LRMDA: variants seen among roughly 807,000 people sequenced by gnomAD.
LRMDA encodes the protein leucine rich melanocyte differentiation associated.
LRMDA carries 18 observed loss-of-function variants against 29.8 expected under a neutral mutation model. The observed-to-expected ratio is 0.60, with a 90% CI of 0.42 to 0.90. The LOEUF is 0.90. LRMDA is among the 40% of genes least tolerant of loss of function. The pLI is 0.00. For missense variants in LRMDA, 273 were observed against 273.9 expected, an observed-to-expected ratio of 1.00 and a Z score of 0.02; for synonymous variants, 125 against 109.4, an observed-to-expected ratio of 1.14 and a Z score of -0.89.
chr10:75,459,448 A>T (rs1169675426), intron 2 of LRMDA, among the ~76,000 whole-genome samples: 1 of 152,170 alleles, frequency 6.6e-6, no homozygotes, highest in African/African-American at 2.4e-5. Context: ...CACAGTGCTC[A>T]ACTTCTCCTG....
rs16933671 is a variant in LRMDA, at chr10:76,557,912, A to G, written c.*624A>G. The G allele has an allele frequency of 0.044, 6,723 of 152,340 alleles. 236 individuals are homozygous for G. Among genetic ancestry groups the G allele is most frequent in the African/African-American group, 0.09 (3,722 of 41,516 alleles). The allele number at this position is 152,340 out of a possible 1,614,324, so 9.4% of individuals were successfully genotyped here. A position where few individuals can be genotyped will look rare whatever the true frequency, so the allele number is the denominator to read the frequency against. The stretch of plus-strand genomic sequence containing the variant: ...TTTGCAGTTTTTCGGAGAACAAGGT[A>G]TAACTTCCCAGCCAGGTCATACATT... On this transcript the variant is annotated 3_prime_UTR_variant, in exon 7 of 7. Transcript: ENST00000611255.
chr10:75,676,188 G>A (rs1377588070), intron 2 of LRMDA, among the ~76,000 whole-genome samples: 1 of 152,168 alleles, frequency 6.6e-6, no homozygotes, highest in Non-Finnish European at 1.5e-5. Flanking sequence ...TGGCTCCTGG[G>A]TGTGGCCTTA....
intron 2 of LRMDA, among the ~76,000 whole-genome samples, chr10:75,458,358 A>G (rs978161041): frequency 6.6e-5 from 10 of 152,296 alleles, no homozygotes; most frequent in Non-Finnish European, 1.3e-4. Flanking sequence ...ACTTCCTGCC[A>G]GACTGTAGAT....
At chr10:75,514,498 A>C (rs1845266906) in intron 2 of LRMDA, among the ~76,000 whole-genome samples, 1 of 151,790 alleles carries the variant, frequency 6.6e-6, no homozygotes, top group Non-Finnish European at 1.5e-5. Flanking sequence ...TCCCCTCCAA[A>C]TTGCATGTTG....
intron 2 of LRMDA, among the ~76,000 whole-genome samples, chr10:75,462,102 C>T (rs1356084118): frequency 2.0e-5 from 3 of 152,130 alleles, no homozygotes; most frequent in South Asian, 2.1e-4. Flanking sequence ...TGATGAAAAG[C>T]GAACAAAGAA....
intron 5 of LRMDA, among the ~76,000 whole-genome samples, chr10:76,076,345 CAAAAAAAAA>C (rs397846101): frequency 6.0e-5 from 3 of 50,030 alleles, no homozygotes; most frequent in Non-Finnish European, 1.1e-4. Context: ...GACTCCATCT[CAAAAAAAAA>C]AAAAAAAAAA....
At chr10:76,100,139 T>C (rs539552221) in intron 5 of LRMDA, among the ~76,000 whole-genome samples, 2 of 152,338 alleles carry the variant, frequency 1.3e-5, no homozygotes, top group South Asian at 4.1e-4. Flanking sequence ...GATTGTTATG[T>C]GTTCCTGATA....
chr10:76,230,791 G>T (rs1852045103), intron 5 of LRMDA, among the ~76,000 whole-genome samples: 1 of 152,156 alleles, frequency 6.6e-6, no homozygotes, highest in African/African-American at 2.4e-5. Context: ...ACATTGTAAT[G>T]AATAGGTTCA....
At chr10:76,185,643 C>T (rs574531956) in intron 5 of LRMDA, among the ~76,000 whole-genome samples, 8 of 152,300 alleles carry the variant, frequency 5.3e-5, no homozygotes, top group African/African-American at 1.9e-4. Context: ...TATGTGAAAG[C>T]GTTGGTGTCC....
chr10:75,750,354 T>C (rs1842943617), intron 2 of LRMDA, among the ~76,000 whole-genome samples: 1 of 147,484 alleles, frequency 6.8e-6, no homozygotes, highest in Non-Finnish European at 1.5e-5. Flanking sequence ...GCTCCTCACT[T>C]CTCAGACGGG....
chr10:75,650,486 CT>C (rs112063123), intron 2 of LRMDA, among the ~76,000 whole-genome samples: 26 of 149,302 alleles, frequency 1.7e-4, no homozygotes, highest in East Asian at 5.9e-4. Context: ...AAATTATTGA[CT>C]TTTTTTTTTC....
At chr10:76,134,070 A>G (rs1390200430) in intron 5 of LRMDA, among the ~76,000 whole-genome samples, 2 of 152,166 alleles carry the variant, frequency 1.3e-5, no homozygotes, top group Non-Finnish European at 2.9e-5. Context: ...TAATTACAGC[A>G]TAATCTCAGA....
At chr10:76,251,875 G>A (rs780559528) in intron 5 of LRMDA, among the ~76,000 whole-genome samples, 7 of 152,322 alleles carry the variant, frequency 4.6e-5, no homozygotes, top group Non-Finnish European at 7.3e-5. Flanking sequence ...TCCAGCCGGT[G>A]GTGGAGCGTG....
chr10:76,426,152 G>C (rs1024880852), intron 6 of LRMDA, among the ~76,000 whole-genome samples: 9 of 152,106 alleles, frequency 5.9e-5, no homozygotes, highest in African/African-American at 2.2e-4. Context: ...GGTATTTCTA[G>C]TTCTAGATCC....
intron 6 of LRMDA, among the ~76,000 whole-genome samples, chr10:76,392,882 C>T (rs1468294808): frequency 6.6e-6 from 1 of 152,116 alleles, no homozygotes; most frequent in Non-Finnish European, 1.5e-5. Flanking sequence ...CCATTCTCCT[C>T]TCTGCTTCAA....
At position 76,439,146 on chromosome 10, in the gene LRMDA, A is replaced by G. The variant is rs551979592; in HGVS notation, c.601+114661A>G. Among the ~76,000 whole-genome samples the G allele has an allele frequency of 4.2e-4, 64 of 152,344 alleles. 1 individual carries two copies. The highest frequency in any genetic ancestry group is 3.9e-3 in the South Asian group (19 of 4,828). Reference sequence around the variant, plus strand: ...CCTAAATTAAATTTGAATCTAACAAAGACAAACATACACATTTCTCTCCAG... The same window carrying G: ...CCTAAATTAAATTTGAATCTAACAAGGACAAACATACACATTTCTCTCCAG... On this transcript the variant is annotated intron_variant, in intron 6 of 6. Transcript: ENST00000611255.
intron 2 of LRMDA, among the ~76,000 whole-genome samples, chr10:75,460,558 T>A (rs1844572647): frequency 6.6e-6 from 1 of 152,294 alleles, no homozygotes; most frequent in Admixed American, 6.5e-5. Flanking sequence ...TAAAATTAGT[T>A]TTTCAAACTG....
intron 5 of LRMDA, among the ~76,000 whole-genome samples, chr10:76,085,847 C>T (rs1219750481): frequency 6.6e-6 from 1 of 152,332 alleles, no homozygotes; most frequent in East Asian, 1.9e-4. Flanking sequence ...CTCACACCCC[C>T]ATCCTCTTCC....
intron 5 of LRMDA, among the ~76,000 whole-genome samples, chr10:76,190,777 G>C (rs1023292172): frequency 6.6e-6 from 1 of 152,168 alleles, no homozygotes; most frequent in Non-Finnish European, 1.5e-5. Context: ...ATTTGGAATT[G>C]TCAACAAACA....
Sources: allele counts gnomAD v4.1 joint callset (sites outside exome capture counted in the v4.1 genomes callset), GRCh38; gene constraint gnomAD v4.1.1; transcripts MANE v1.5; gene names NCBI Gene and HGNC (gene_info 2026-07-23, HGNC 2026-07-21).